MPDZ: variants seen among roughly 807,000 people sequenced by gnomAD.
MPDZ encodes multiple PDZ domain crumbs cell polarity complex component, also known as multiple PDZ domain protein.
A neutral mutation model predicts 239.1 loss-of-function variants in MPDZ; 234 were observed. The observed-to-expected ratio is 0.98, with a 90% CI of 0.88 to 1.09. The LOEUF (loss-of-function observed/expected upper bound fraction) is 1.09, where lower values mean the gene tolerates loss of function less well. Ranked by LOEUF, MPDZ falls within the 50% of genes least tolerant of loss-of-function variation. MPDZ has a pLI of 0.00. For synonymous variants in MPDZ, 1,048 were observed against 881.3 expected (o/e 1.19, Z -3.35); for missense variants, 3,175 against 2,510.0 (o/e 1.26, Z -5.66).
At chr9:13,213,786 G>C (rs1295544117) in intron 10 of MPDZ, among the ~76,000 whole-genome samples, 1 of 151,986 alleles carries the variant, frequency 6.6e-6, no homozygotes, top group Non-Finnish European at 1.5e-5. Context: ...AATTATATTT[G>C]AGATTCCACT....
chr9:13,111,081 T>A (rs556773616), intron 43 of MPDZ, among the ~76,000 whole-genome samples: 7 of 152,250 alleles, frequency 4.6e-5, no homozygotes, highest in African/African-American at 1.7e-4. Context: ...CTCTGGACAT[T>A]ACTATTATAA....
At chr9:13,204,064 A>C (rs2135581216) in intron 12 of MPDZ, among the ~76,000 whole-genome samples, 1 of 152,272 alleles carries the variant, frequency 6.6e-6, no homozygotes, top group South Asian at 2.1e-4. Context: ...AAAATTGTAA[A>C]GCTCATTCAA....
intron 3 of MPDZ, among the ~76,000 whole-genome samples, chr9:13,233,833 TGAATGCAGAGCACAG>T (rs1963220170): frequency 6.6e-6 from 1 of 152,136 alleles, no homozygotes; most frequent in African/African-American, 2.4e-5. Flanking sequence ...CACCTTAAAA[TGAATGCAGAGCACAG>T]GAACTAAATA....
intron 27 of MPDZ, among the ~76,000 whole-genome samples, chr9:13,142,355 A>G (rs1157688355): frequency 6.6e-6 from 1 of 152,080 alleles, no homozygotes; most frequent in East Asian, 1.9e-4. Context: ...AACCAATATA[A>G]GCCTCTATTT....
chr9:13,115,206 C>G (rs780934234), intron 40 of MPDZ, 42 bp downstream of exon 40: 3 of 1,548,008 alleles, frequency 1.9e-6, no homozygotes, highest in South Asian at 2.3e-5. Flanking sequence ...GTCCTCTTGG[C>G]ATGCCGATTG....
intron 6 of MPDZ, among the ~76,000 whole-genome samples, chr9:13,221,974 T>G (rs1437589305): frequency 6.6e-6 from 1 of 152,058 alleles, no homozygotes; most frequent in East Asian, 1.9e-4. Flanking sequence ...TAAAGTCAAT[T>G]TTGTTAAAGG....
chr9:13,222,905 C>A (rs1343827406), intron 5 of MPDZ, among the ~76,000 whole-genome samples: 1 of 151,576 alleles, frequency 6.6e-6, no homozygotes, highest in Non-Finnish European at 1.5e-5. Flanking sequence ...AGATCCCCAA[C>A]TGGGGATCAC....
intron 32 of MPDZ, among the ~76,000 whole-genome samples, chr9:13,132,994 G>A (rs1476698667): frequency 6.6e-6 from 1 of 151,956 alleles, no homozygotes; most frequent in African/African-American, 2.4e-5. Context: ...ACCATGAAAG[G>A]ATATTTAAAA....
intron 3 of MPDZ, among the ~76,000 whole-genome samples, chr9:13,238,174 A>G (rs995537454): frequency 4.6e-5 from 7 of 152,184 alleles, no homozygotes; most frequent in African/African-American, 1.7e-4. Context: ...GTAAGCTTGC[A>G]CAGGTGAATG....
intron 43 of MPDZ, 93 bp from the exon 44 acceptor site, chr9:13,110,833 A>T: frequency 1.3e-6 from 1 of 789,342 alleles, no homozygotes; most frequent in South Asian, 1.8e-5. Flanking sequence ...TCCACCTTCC[A>T]CATGACATAT....
intron 19 of MPDZ, among the ~76,000 whole-genome samples, chr9:13,180,081 C>T (rs1032195504): frequency 6.6e-6 from 1 of 152,070 alleles, no homozygotes; most frequent in African/African-American, 2.4e-5. Flanking sequence ...AATTTTGTCA[C>T]TAAGACTCTC....
chr9:13,272,897 G>A lies in MPDZ; in HGVS notation c.-58+6503C>T, dbSNP rs115403984. Among the ~76,000 whole-genome samples, 1,445 of 152,114 alleles carry A rather than the reference G, an allele frequency of 9.5e-3. 26 individuals carry two copies. The highest frequency in any genetic ancestry group is 0.032 in the African/African-American group (1,337 of 41,480). ...AAGACCTATTAAGGGGGCTGCTATG[G>A]TCTGAATGTTTATATTCCCCCCAAA... On this transcript the variant is annotated intron_variant, in intron 1 of 46. Transcript: ENST00000319217.
intron 5 of MPDZ, 126 bp from the exon 6 acceptor site, chr9:13,222,572 C>T: frequency 1.3e-6 from 1 of 749,006 alleles, no homozygotes; most frequent in Non-Finnish European, 2.2e-6. Context: ...AAGCTTTTTC[C>T]TGCAGTTCTA....
chr9:13,223,411 T>C (rs780737823), intron 5 of MPDZ, among the ~76,000 whole-genome samples, 160 bp downstream of exon 5: 10 of 152,128 alleles, frequency 6.6e-5, no homozygotes, highest in Non-Finnish European at 1.5e-4. Context: ...GAACCTGCTA[T>C]TTTATCACAA....
chr9:13,152,449 C>G (rs897924349), intron 24 of MPDZ, among the ~76,000 whole-genome samples: 5 of 152,074 alleles, frequency 3.3e-5, no homozygotes, highest in African/African-American at 1.2e-4. Context: ...CTCATGAGAT[C>G]TGATAGTTTT....
At position 13,233,484 on chromosome 9, in the gene MPDZ, T is replaced by C. The variant is rs146519875; in HGVS notation, c.184-8901A>G. Among the ~76,000 whole-genome samples the C allele has an allele frequency of 4.8e-3, 731 of 152,208 alleles. 4 individuals carry two copies. The highest frequency in any genetic ancestry group is 0.016 in the African/African-American group (648 of 41,552). ...ACTTATCTCCGAGATAAAGTCAAAA[T>C]AGTGATTCCTAAAGGGGAGGATTAG... is the stretch of plus-strand genomic sequence containing the variant. On this transcript the variant is annotated intron_variant, in intron 3 of 46. Coordinates refer to ENST00000319217, the MANE Select transcript of MPDZ (RefSeq NM_001378778.1).
chr9:13,228,108 C>A (rs2136570401), intron 3 of MPDZ, among the ~76,000 whole-genome samples: 1 of 151,952 alleles, frequency 6.6e-6, no homozygotes, highest in South Asian at 2.1e-4. Context: ...ATAAAATAAA[C>A]AAAAGAAAAC....
intron 4 of MPDZ, 21 bp from the exon 5 acceptor site, chr9:13,223,731 G>T (rs755507783): frequency 1.3e-6 from 2 of 1,564,632 alleles, no homozygotes; most frequent in South Asian, 2.3e-5. Flanking sequence ...AACAAAGCAA[G>T]AAATAAAACT....
chr9:13,199,760 A>AT (rs1355879202), intron 12 of MPDZ, among the ~76,000 whole-genome samples: 2 of 152,012 alleles, frequency 1.3e-5, no homozygotes, highest in Non-Finnish European at 2.9e-5. Context: ...GATGTATCCC[A>AT]TTTACTGATT....
Sources: gnomAD v4.1 joint callset for allele counts (sites outside exome capture counted in the v4.1 genomes callset) on GRCh38, gnomAD v4.1.1 for gene constraint, MANE v1.5 for transcripts, NCBI Gene and HGNC (gene_info 2026-07-23, HGNC 2026-07-21) for gene names.